Variants in RPS6KA5 observed in about 807,000 individuals in gnomAD.
RPS6KA5 encodes ribosomal protein S6 kinase A5, also known as ribosomal protein S6 kinase alpha-5.
RPS6KA5 carries 27 observed loss-of-function variants against 85.5 expected under a neutral mutation model. That is an observed-to-expected ratio of 0.32 (90% CI 0.23 to 0.44). The LOEUF is 0.44. Among genes scored for constraint, RPS6KA5 ranks in the 20% least tolerant of loss-of-function variants. The pLI is 1.00. For synonymous variants in RPS6KA5, 334 were observed against 348.2 expected (o/e 0.96, Z 0.46); for missense variants, 811 against 980.9 (o/e 0.83, Z 2.31).
At chr14:90,891,869 A>T (rs2034582146) in intron 13 of RPS6KA5, among the ~76,000 whole-genome samples, 1 of 152,186 alleles carries the variant, frequency 6.6e-6, no homozygotes, top group East Asian at 1.9e-4. Context: ...TTGCAGTGTA[A>T]GGCACTGTCC....
chr14:90,929,426 CAATGTTTT>C (rs2036855866), intron 5 of RPS6KA5, among the ~76,000 whole-genome samples: 1 of 152,010 alleles, frequency 6.6e-6, no homozygotes, highest in Non-Finnish European at 1.5e-5. Flanking sequence ...AATAAGAATT[CAATGTTTT>C]ATGTATAAGG....
chr14:90,947,453 G>T lies in RPS6KA5; in HGVS notation c.492C>A (p.Ala164=). The part of the protein sequence containing the change: ...VQIYVGEIVL[A]LEHLHKLGII... ...GTCTTACCTTGTGGAGATGTTCGAGGGCAAGCACAATCTCTCCAACATAAA... is the reference window on the plus strand; with the variant it reads ...GTCTTACCTTGTGGAGATGTTCGAGTGCAAGCACAATCTCTCCAACATAAA... Residue 164 remains alanine (A), a synonymous_variant, in exon 4 of 17, where the codon GCC becomes GCA. Transcript: ENST00000614987. 6.2e-7 allele frequency: 1 copy of T among 1,603,926 alleles called. No homozygotes were observed. Among genetic ancestry groups the T allele is most frequent in the Non-Finnish European group, 8.5e-7 (1 of 1,171,008 alleles).
chr14:91,028,354 A>T (rs1330370394), intron 1 of RPS6KA5, among the ~76,000 whole-genome samples: 4 of 152,026 alleles, frequency 2.6e-5, no homozygotes, highest in African/African-American at 9.7e-5. Context: ...AGTAGCTGAG[A>T]CTACAGGCTT....
intron 1 of RPS6KA5, among the ~76,000 whole-genome samples, chr14:91,003,329 T>C (rs2040866854): frequency 6.6e-6 from 1 of 152,168 alleles, no homozygotes; most frequent in Non-Finnish European, 1.5e-5. Context: ...TATTTTTTGA[T>C]ACACAGAATT....
At chr14:90,889,832 T>C (rs1311117618) in intron 14 of RPS6KA5, among the ~76,000 whole-genome samples, 2 of 152,188 alleles carry the variant, frequency 1.3e-5, no homozygotes, top group South Asian at 2.1e-4. Context: ...GTATATCACT[T>C]CTCAATGTGA....
At chr14:91,031,182 A>C (rs1356469361) in intron 1 of RPS6KA5, among the ~76,000 whole-genome samples, 1 of 152,226 alleles carries the variant, frequency 6.6e-6, no homozygotes, top group Non-Finnish European at 1.5e-5. Flanking sequence ...CAAACTTCTC[A>C]TCAGCATCAT....
chr14:90,883,846 G>T (rs1488041198), intron 14 of RPS6KA5, among the ~76,000 whole-genome samples: 1 of 152,120 alleles, frequency 6.6e-6, no homozygotes, highest in East Asian at 1.9e-4. Flanking sequence ...TCTCTGTGCC[G>T]AGGATCAGCA....
intron 1 of RPS6KA5, among the ~76,000 whole-genome samples, chr14:91,035,694 T>C (rs552446611): frequency 4.0e-5 from 6 of 151,820 alleles, no homozygotes; most frequent in South Asian, 2.1e-4. Context: ...ACATCATCTA[T>C]AAAAGCTACT....
rs964853931 is a variant in RPS6KA5 at position 90,861,245 on chromosome 14, G to C, written c.*10829C>G. On this transcript the variant is annotated 3_prime_UTR_variant, in exon 17 of 17. Coordinates refer to ENST00000614987, the MANE Select transcript of RPS6KA5 (RefSeq NM_004755.4). ...ACTACTAATAAAAATAATGTCGGCC[G>C]GGCGCGGTGGCTCACGCCTGTAATC... The C allele has an allele frequency of 5.3e-5, 8 of 150,838 alleles. No individual in the cohort carries two copies. Among genetic ancestry groups the C allele is most frequent in the Non-Finnish European group, 1.2e-4 (8 of 67,778 alleles). The allele number at this position is 150,838 out of a possible 1,614,324, so 9.3% of individuals were successfully genotyped here.
At chr14:90,910,721 T>C (rs941453760) in intron 7 of RPS6KA5, among the ~76,000 whole-genome samples, 4 of 151,528 alleles carry the variant, frequency 2.6e-5, no homozygotes, top group Non-Finnish European at 5.9e-5. Flanking sequence ...AGTCTGGCTC[T>C]GTCGACCAGG....
At chr14:91,026,016 T>A (rs1239338163) in intron 1 of RPS6KA5, among the ~76,000 whole-genome samples, 1 of 152,138 alleles carries the variant, frequency 6.6e-6, no homozygotes. Flanking sequence ...TCTATCAGTA[T>A]CTATTGTTCC....
chr14:90,989,629 A>G (rs924589611), intron 2 of RPS6KA5, among the ~76,000 whole-genome samples: 4 of 152,218 alleles, frequency 2.6e-5, no homozygotes, highest in African/African-American at 9.6e-5. Flanking sequence ...AGATATCTCA[A>G]AGAAGGCAAA....
intron 2 of RPS6KA5, among the ~76,000 whole-genome samples, chr14:90,987,804 C>T (rs1299837018): frequency 6.6e-6 from 1 of 152,156 alleles, no homozygotes; most frequent in African/African-American, 2.4e-5. Flanking sequence ...ATGGTTACTG[C>T]TCATTAGACA....
chr14:90,892,448 A>C (rs2034615886), intron 13 of RPS6KA5, among the ~76,000 whole-genome samples: 1 of 152,212 alleles, frequency 6.6e-6, no homozygotes, highest in South Asian at 2.1e-4. Context: ...TCAAAGTTAG[A>C]GACAGTTCTA....
chr14:90,872,923 C>G (rs1349390102), intron 16 of RPS6KA5, among the ~76,000 whole-genome samples: 1 of 152,212 alleles, frequency 6.6e-6, no homozygotes. Context: ...ACCTATGTCA[C>G]TGAGAAGATT....
At chr14:90,974,336 T>C (rs1311352210) in intron 3 of RPS6KA5, among the ~76,000 whole-genome samples, 4 of 152,218 alleles carry the variant, frequency 2.6e-5, no homozygotes, top group African/African-American at 9.7e-5. Flanking sequence ...AGTTAAAAGA[T>C]ACTATAAGGA....
chr14:90,873,523 ATTATT>A (rs1375553047), intron 16 of RPS6KA5, 104 bp downstream of exon 16: 1 of 1,015,538 alleles, frequency 9.8e-7, no homozygotes, highest in African/African-American at 1.6e-5. Flanking sequence ...AAGGACACAT[ATTATT>A]TTAAATGTGA....
In RPS6KA5 at chr14:90,872,048, G is replaced by A. The variant is rs186008852; in HGVS notation, c.*26C>T. The A allele has an allele frequency of 3.1e-5, 49 of 1,594,270 alleles. No homozygotes were observed. In the African/African-American group the frequency reaches 5.4e-4, roughly 18 times the overall value. On this transcript the variant is annotated 3_prime_UTR_variant, in exon 17 of 17. Transcript: ENST00000614987. ...TATGCTGAGGGAATAAAGGTGCAAT[G>A]GATCACTGATACACTCCTACCATGC...
At chr14:90,872,772 A>C (rs1186514696) in intron 16 of RPS6KA5, among the ~76,000 whole-genome samples, 1 of 152,178 alleles carries the variant, frequency 6.6e-6, no homozygotes, top group Non-Finnish European at 1.5e-5. Flanking sequence ...TGTCATTTGG[A>C]TATATACTGG....
Sources: allele counts gnomAD v4.1 joint callset (sites outside exome capture counted in the v4.1 genomes callset), GRCh38; gene constraint gnomAD v4.1.1; transcripts MANE v1.5; gene names NCBI Gene and HGNC (gene_info 2026-07-23, HGNC 2026-07-21).